The following EPB41 variants were observed in gnomAD, a reference collection of about 807,000 sequenced individuals.
EPB41 encodes the protein erythrocyte membrane protein band 4.1, also known as protein 4.1.
Under a neutral mutation model 108.0 loss-of-function variants are expected in EPB41, and 65 were observed. The ratio of observed to expected loss-of-function variants is 0.60; its 90% CI spans 0.49 to 0.74. The LOEUF (loss-of-function observed/expected upper bound fraction) is 0.74, where lower values mean the gene tolerates loss of function less well. Ranked by LOEUF, EPB41 falls within the 30% of genes least tolerant of loss-of-function variation. The probability of loss-of-function intolerance (pLI) is 0.00; values close to 1 mark genes in which losing one functional copy is unlikely to be tolerated. For synonymous variants in EPB41, 336 were observed against 358.9 expected, an observed-to-expected ratio of 0.94 and a Z score of 0.72; for missense variants, 875 against 1,037.0, an observed-to-expected ratio of 0.84 and a Z score of 2.15.
chr1:29,098,474 C>T (rs533114220), intron 17 of EPB41, among the ~76,000 whole-genome samples: 3 of 151,942 alleles, frequency 2.0e-5, no homozygotes, highest in South Asian at 2.1e-4. Context: ...AGATTATAGG[C>T]GTGAGCCACC....
chr1:28,930,449 T>C (rs1013164765), intron 1 of EPB41, among the ~76,000 whole-genome samples: 2 of 151,244 alleles, frequency 1.3e-5, no homozygotes, highest in East Asian at 1.9e-4. Context: ...ATTACAGGCA[T>C]GAACCACTAC....
chr1:28,917,178 T>C (rs1342123310), intron 1 of EPB41, among the ~76,000 whole-genome samples: 1 of 152,134 alleles, frequency 6.6e-6, no homozygotes, highest in Admixed American at 6.5e-5. Flanking sequence ...ACCTTTATTC[T>C]CCTTATTTTT....
intron 1 of EPB41, among the ~76,000 whole-genome samples, chr1:28,943,962 A>G (rs773124069): frequency 8.5e-5 from 13 of 152,228 alleles, no homozygotes; most frequent in Non-Finnish European, 1.5e-4. Flanking sequence ...GAAGCAGCCT[A>G]AGTGTCCATC....
chr1:28,894,740 G>A (rs1175008273), intron 1 of EPB41, among the ~76,000 whole-genome samples: 1 of 152,134 alleles, frequency 6.6e-6, no homozygotes, highest in Non-Finnish European at 1.5e-5. Flanking sequence ...CATCTGTGAT[G>A]TACATATCAC....
chr1:29,026,544 G>A (rs2096721668), intron 7 of EPB41, among the ~76,000 whole-genome samples: 1 of 152,140 alleles, frequency 6.6e-6, no homozygotes, highest in Non-Finnish European at 1.5e-5. Flanking sequence ...GGCAATTTAA[G>A]CATCAAAATA....
chr1:28,931,454 T>C (rs2093739021), intron 1 of EPB41, among the ~76,000 whole-genome samples: 1 of 151,578 alleles, frequency 6.6e-6, no homozygotes, highest in Admixed American at 6.6e-5. Flanking sequence ...AATTAACTGA[T>C]ATGGTGTCAT....
chr1:28,949,882 G>A (rs998307744), intron 1 of EPB41, among the ~76,000 whole-genome samples: 7 of 152,184 alleles, frequency 4.6e-5, no homozygotes, highest in Non-Finnish European at 7.3e-5. Flanking sequence ...GATTACAGGC[G>A]TGAATCACTG....
At chr1:28,893,489 T>C (rs964698685) in intron 1 of EPB41, 6 of 152,302 alleles carry the variant, frequency 3.9e-5, no homozygotes, top group African/African-American at 1.4e-4. Flanking sequence ...GCCATGTCTG[T>C]CTTCTTCAGG....
At position 29,105,253 on chromosome 1, in the gene EPB41, A is replaced by T. The variant is rs1666740722; in HGVS notation, c.2314-4083A>T. 3.9e-5 allele frequency among the ~76,000 whole-genome samples: 6 copies of T among 152,036 alleles called. No individual in the cohort carries two copies. The South Asian group carries it at 1.2e-3, about 32-fold the overall frequency. ...TGTATGGCTTCTTTCTTTCTTTTTG[A>T]ATTGGAGTCTCACTCTTGTCATCCA... On this transcript the variant is annotated intron_variant, in intron 17 of 20. Coordinates refer to ENST00000343067, the MANE Select transcript of EPB41 (RefSeq NM_001376013.1).
intron 1 of EPB41, among the ~76,000 whole-genome samples, chr1:28,935,469 C>CACACACACACA (rs1234434094): frequency 0.023 from 971 of 42,284 alleles, 118 homozygotes; most frequent in East Asian, 0.052. Context: ...ACACACACAC[C>CACACACACACA]CCCCCCCCCC....
rs573586668 is a variant in EPB41, at chr1:28,985,211, G to A, written c.-7-2220G>A. ...ACTCCTGACCTCAGGTGATCTGCCC[G>A]CCTCGGCCTCCCAAAGTGCTGGGAT... On this transcript the variant is annotated intron_variant, in intron 1 of 20. Coordinates refer to ENST00000343067, the MANE Select transcript of EPB41 (RefSeq NM_001376013.1). Among the ~76,000 whole-genome samples, 8 of 152,046 alleles carry A rather than the reference G, an allele frequency of 5.3e-5. No individual in the cohort carries two copies. The South Asian group carries it at 6.2e-4, about 12-fold the overall frequency.
intron 17 of EPB41, among the ~76,000 whole-genome samples, chr1:29,101,537 G>A (rs905994139): frequency 5.9e-5 from 9 of 151,616 alleles, no homozygotes; most frequent in Admixed American, 1.3e-4. Context: ...GCGTGGTGGC[G>A]TGCACCTATA....
intron 1 of EPB41, among the ~76,000 whole-genome samples, chr1:28,931,841 T>C (rs534087442): frequency 6.6e-6 from 1 of 152,260 alleles, no homozygotes; most frequent in African/African-American, 2.4e-5. Context: ...ACCAATGACT[T>C]TGTAATATTT....
chr1:29,070,935 A>G (rs1483645298), intron 16 of EPB41: 1 of 219,414 alleles, frequency 4.6e-6, no homozygotes, highest in African/African-American at 2.3e-5. Context: ...ACTGTTTACT[A>G]TTGTTATGTC....
chr1:28,929,462 C>T (rs1215375827), intron 1 of EPB41, among the ~76,000 whole-genome samples: 9 of 151,848 alleles, frequency 5.9e-5, no homozygotes, highest in Non-Finnish European at 1.5e-5. Flanking sequence ...GATCTCCTGA[C>T]CTTGTGATCC....
At chr1:29,069,360 T>C (rs1052319346) in intron 16 of EPB41, 8 of 1,230,808 alleles carry the variant, frequency 6.5e-6, no homozygotes, top group African/African-American at 6.2e-5. Flanking sequence ...AACTTCTCAA[T>C]TGGACAATTG....
intron 7 of EPB41, among the ~76,000 whole-genome samples, chr1:29,020,450 GAAAC>G (rs975538634): frequency 1.3e-5 from 2 of 152,064 alleles, no homozygotes; most frequent in Admixed American, 6.5e-5. Context: ...GTACTGGAAA[GAAAC>G]AAAATAATTT....
At chr1:29,112,049 C>G (rs1200990419) in intron 18 of EPB41, among the ~76,000 whole-genome samples, 2 of 151,720 alleles carry the variant, frequency 1.3e-5, no homozygotes, top group African/African-American at 4.8e-5. Context: ...GTAGAAGTAG[C>G]AGGTCTGGTT....
intron 1 of EPB41, among the ~76,000 whole-genome samples, chr1:28,901,416 C>T (rs60269870): frequency 6.8e-6 from 1 of 147,382 alleles, no homozygotes; most frequent in African/African-American, 2.5e-5. Context: ...GTAGAGACAG[C>T]GTTTCACCAT....
Sources: allele counts gnomAD v4.1 joint callset (sites outside exome capture counted in the v4.1 genomes callset), GRCh38; gene constraint gnomAD v4.1.1; transcripts MANE v1.5; gene names NCBI Gene and HGNC (gene_info 2026-07-23, HGNC 2026-07-21).